Variants in ZCCHC4 observed in about 807,000 individuals in gnomAD.
ZCCHC4 encodes the protein zinc finger CCHC-type containing 4.
A neutral mutation model predicts 67.7 loss-of-function variants in ZCCHC4; 54 were observed. The observed-to-expected ratio is 0.80, with a 90% CI of 0.64 to 1.00. The LOEUF (loss-of-function observed/expected upper bound fraction) is 1.00. Among genes scored for constraint, ZCCHC4 ranks in the 50% least tolerant of loss-of-function variants. The pLI is 0.00. For synonymous variants in ZCCHC4, 198 were observed against 213.5 expected (o/e 0.93, Z 0.63); for missense variants, 609 against 617.0 (o/e 0.99, Z 0.14).
rs1720653383 is a variant in ZCCHC4 at position 25,359,805 on chromosome 4, T to TG, written c.1012-2053dup. Reference sequence around the variant, plus strand: ...CTGGCACTCCAGCCTAAAGACTATGTGCTGCAGCCAGGTGGGGTTATAAAG... The same window carrying TG: ...CTGGCACTCCAGCCTAAAGACTATGTGGCTGCAGCCAGGTGGGGTTATAAAG... On this transcript the variant is annotated intron_variant, in intron 8 of 12. Transcript: ENST00000302874. This position sits in a 1 kb window ranked among gnomAD's most constrained non-coding sequence, Gnocchi z 4.9. Among the ~76,000 whole-genome samples, 1 of 152,228 alleles carries TG rather than the reference T, an allele frequency of 6.6e-6. No individual in the cohort carries two copies. The highest frequency in any genetic ancestry group is 1.5e-5 in the Non-Finnish European group (1 of 68,036).
chr4:25,313,704 C>A (rs955905100), intron 1 of ZCCHC4, among the ~76,000 whole-genome samples: 1 of 151,778 alleles, frequency 6.6e-6, no homozygotes, highest in African/African-American at 2.4e-5. Context: ...GATGACACTC[C>A]GTCTACAAAA....
chr4:25,363,581 A>G (rs1034073688), intron 10 of ZCCHC4, among the ~76,000 whole-genome samples: 2 of 152,248 alleles, frequency 1.3e-5, no homozygotes, highest in African/African-American at 4.8e-5. Context: ...AGAAGAGGCT[A>G]CATTTATATA....
intron 3 of ZCCHC4, among the ~76,000 whole-genome samples, chr4:25,320,298 A>G (rs1021301050): frequency 6.6e-6 from 1 of 152,162 alleles, no homozygotes; most frequent in African/African-American, 2.4e-5. Context: ...AGATATTTAA[A>G]TGCTAAAATC....
chr4:25,352,091 A>G, intron 8 of ZCCHC4: 1 of 989,274 alleles, frequency 1.0e-6, no homozygotes, highest in Middle Eastern at 5.2e-4. Flanking sequence ...AGAAAAGTAA[A>G]TCACCTTTGT....
At chr4:25,329,224 T>G (rs1719047530) in intron 3 of ZCCHC4, among the ~76,000 whole-genome samples, 1 of 152,126 alleles carries the variant, frequency 6.6e-6, no homozygotes, top group African/African-American at 2.4e-5. Context: ...TATTATGATG[T>G]GTCTTGTAGT....
chr4:25,348,349 G>A (rs1720123812), intron 6 of ZCCHC4, among the ~76,000 whole-genome samples: 1 of 152,158 alleles, frequency 6.6e-6, no homozygotes, highest in Non-Finnish European at 1.5e-5. Flanking sequence ...GCTTGTTAAA[G>A]TTTAAAATGC....
intron 3 of ZCCHC4, among the ~76,000 whole-genome samples, chr4:25,326,820 T>C (rs79926382): frequency 0.011 from 1,618 of 152,320 alleles, 39 homozygotes; most frequent in African/African-American, 0.036. Context: ...TTCTAGTCTG[T>C]GACTGTGGTG....
chr4:25,333,793 G>A lies in ZCCHC4; in HGVS notation c.606-115G>A, dbSNP rs370498107. ...TTATACCTGCCAAATTCTCTTCAGT[G>A]TTTCATTGAAATATCATAAATACCA... is the stretch of plus-strand genomic sequence containing the variant. On this transcript the variant is annotated intron_variant, in intron 4 of 12. Transcript: ENST00000302874. 1.0e-4 allele frequency: 81 copies of A among 800,688 alleles called. No homozygotes were observed. The African/African-American group carries it at 1.3e-3, about 13-fold the overall frequency. The allele number at this position is 800,688 out of a possible 1,614,324, so 49.6% of individuals were successfully genotyped here.
At chr4:25,367,081 T>C (rs1720981140) in intron 12 of ZCCHC4, among the ~76,000 whole-genome samples, 1 of 152,222 alleles carries the variant, frequency 6.6e-6, no homozygotes, top group South Asian at 2.1e-4. Flanking sequence ...TAGTGAAAAA[T>C]AACAGCCTTT....
At chr4:25,345,847 A>G (rs1719981913) in intron 6 of ZCCHC4, among the ~76,000 whole-genome samples, 1 of 152,160 alleles carries the variant, frequency 6.6e-6, no homozygotes, top group Admixed American at 6.5e-5. Flanking sequence ...CCACATTCTT[A>G]GAAGGCCCGT....
chr4:25,358,310 C>G (rs1434355417), intron 8 of ZCCHC4, among the ~76,000 whole-genome samples: 1 of 152,132 alleles, frequency 6.6e-6, no homozygotes, highest in Non-Finnish European at 1.5e-5. Context: ...ACCTTCACAG[C>G]AACTTTAAGT....
chr4:25,361,775 A>G (rs981878289), intron 8 of ZCCHC4, 84 bp from the exon 9 acceptor site: 14 of 1,333,740 alleles, frequency 1.0e-5, no homozygotes, highest in Non-Finnish European at 1.3e-5. Flanking sequence ...TATTGGCATC[A>G]GTTTGTTCGT....
At chr4:25,334,905 A>C (rs1560405226) in intron 5 of ZCCHC4, among the ~76,000 whole-genome samples, 2 of 151,740 alleles carry the variant, frequency 1.3e-5, no homozygotes, top group Non-Finnish European at 2.9e-5. Flanking sequence ...TGGCATGGTC[A>C]TAGCCCACTG....
At chr4:25,351,750 A>G (rs1488802669) in intron 8 of ZCCHC4, 61 bp downstream of exon 8, 40 of 1,340,868 alleles carry the variant, frequency 3.0e-5, no homozygotes, top group Non-Finnish European at 4.1e-5. Flanking sequence ...TTGAATAGAT[A>G]TAAGACTATT....
chr4:25,333,527 G>A, intron 4 of ZCCHC4, 69 bp downstream of exon 4: 1 of 1,518,852 alleles, frequency 6.6e-7, no homozygotes, highest in Non-Finnish European at 9.0e-7. Flanking sequence ...ATTTTATTAA[G>A]TAGTTACTTA....
In ZCCHC4 at chr4:25,348,758, G is replaced by A. The variant is rs76023593; in HGVS notation, c.760-734G>A. ...ATCCCTCAGGGATACTGAGGGGACT[G>A]TACTTGAAAGCTACTTGCAAGTCAG... On this transcript the variant is annotated intron_variant, in intron 6 of 12. Transcript: ENST00000302874. 6.8e-3 allele frequency among the ~76,000 whole-genome samples: 1,032 copies of A among 152,252 alleles called. 10 individuals carry two copies. Among genetic ancestry groups the A allele is most frequent in the African/African-American group, 0.023 (969 of 41,538 alleles).
chr4:25,333,055 C>G (rs1273513811), intron 3 of ZCCHC4, 128 bp from the exon 4 acceptor site: 7 of 895,948 alleles, frequency 7.8e-6, no homozygotes, highest in Non-Finnish European at 1.1e-5. Flanking sequence ...TTTCTTCCTA[C>G]TTTTCTTCTT....
intron 12 of ZCCHC4, among the ~76,000 whole-genome samples, chr4:25,367,838 G>A (rs1721010036): frequency 1.3e-5 from 2 of 152,170 alleles, no homozygotes; most frequent in South Asian, 4.1e-4. Context: ...TATATGGTTA[G>A]CAGTTTGCAT....
chr4:25,362,281 T>C lies in ZCCHC4; in HGVS notation c.1189T>C (p.Cys397Arg). The change falls in exon 10 of 13, where the codon TGT becomes CGT. Residue 397 changes from cysteine to arginine, a missense_variant. Cys to Arg is a radical substitution (Grantham distance 180). Coordinates refer to ENST00000302874, the MANE Select transcript of ZCCHC4 (RefSeq NM_024936.3). ...VSLENQHCEL[C>R]NSCTSKDGRK... ...TCTAGAGAATCAACACTGTGAGCTC[T>C]GTAATTCTTGCACATCCAAGGTATG... The C allele has an allele frequency of 1.2e-6, 2 of 1,603,922 alleles. No homozygotes were observed. The highest frequency in any genetic ancestry group is 2.3e-5 in the South Asian group (2 of 88,818).
Sources: allele counts gnomAD v4.1 joint callset (sites outside exome capture counted in the v4.1 genomes callset), GRCh38; gene constraint gnomAD v4.1.1; non-coding constraint Gnocchi (gnomAD v3.1); transcripts MANE v1.5; gene names NCBI Gene and HGNC (gene_info 2026-07-23, HGNC 2026-07-21).